The following FLNC variants were observed in gnomAD, a reference collection of about 807,000 sequenced individuals.
FLNC encodes the protein filamin C, also known as filamin-C.
A neutral mutation model predicts 254.3 loss-of-function variants in FLNC; 91 were observed. That is an observed-to-expected ratio of 0.36 (90% CI 0.30 to 0.43). The LOEUF is 0.43. Ranked by LOEUF, FLNC falls within the 20% of genes least tolerant of loss-of-function variation. The pLI is 1.00. For missense variants in FLNC, 2,853 were observed against 3,802.6 expected (o/e 0.75, Z 6.57); for synonymous variants, 1,430 against 1,577.2 (o/e 0.91, Z 2.21).
chr7:128,840,448 G>A, intron 9 of FLNC, 100 bp from the exon 10 acceptor site: 1 of 1,547,174 alleles, frequency 6.5e-7, no homozygotes, highest in East Asian at 2.3e-5. Flanking sequence ...ACTGCCCTCG[G>A]GCTGGGTCGG....
In FLNC at chr7:128,838,693, G is replaced by A. The variant is rs1585154054; in HGVS notation, c.1301G>A (p.Ser434Asn). Residue 434 changes from serine to asparagine, a missense_variant, in exon 8 of 48, where the codon AGC becomes AAC. Physicochemically the swap from Ser to Asn is conservative, Grantham distance 46. This residue lies in a region of FLNC where 1,573 missense variants were observed against 1,883.5 expected (regional missense o/e 0.84). Coordinates refer to ENST00000325888, the MANE Select transcript of FLNC (RefSeq NM_001458.5). Reference sequence around the variant, plus strand: ...GTGGCCCTGGAGGACAAGGGTGACAGCACGTTCCGCTGCACATACAGACCT... The same window carrying A: ...GTGGCCCTGGAGGACAAGGGTGACAACACGTTCCGCTGCACATACAGACCT... ...VEVALEDKGD[S>N]TFRCTYRPAM... 1 of 1,613,052 alleles carries A rather than the reference G, an allele frequency of 6.2e-7. No homozygotes were observed. The highest frequency in any genetic ancestry group is 8.5e-7 in the Non-Finnish European group (1 of 1,180,012).
chr7:128,843,872 CG>C lies in FLNC; in HGVS notation c.2889del (p.Leu964TrpfsTer25). On this transcript the variant is annotated frameshift_variant, in exon 19 of 48. Coordinates refer to ENST00000325888, the MANE Select transcript of FLNC (RefSeq NM_001458.5). LOFTEE classifies it high-confidence loss of function. ...CCCTTTGTGGTGAATGTGGCACCCC[CG>C]CTGGACCTCAGCAAAATCAAAGTTC... ...KSPFVVNVAP[P>X]LDLSKIKVQG... The C allele has an allele frequency of 6.2e-7, 1 of 1,614,078 alleles. No homozygotes were observed. Among genetic ancestry groups the C allele is most frequent in the Non-Finnish European group, 8.5e-7 (1 of 1,180,056 alleles).
chr7:128,850,742 A>T, intron 32 of FLNC, 61 bp from the exon 33 acceptor site: 1 of 1,610,656 alleles, frequency 6.2e-7, no homozygotes, highest in Non-Finnish European at 8.5e-7. Context: ...CAGGCCTGGG[A>T]CAGCAGGGAG....
At chr7:128,838,535 C>T in intron 7 of FLNC, 68 bp from the exon 8 acceptor site, 1 of 1,605,176 alleles carries the variant, frequency 6.2e-7, no homozygotes, top group Non-Finnish European at 8.5e-7. Context: ...GGTGGGCAGC[C>T]TCAGGGTGAG....
chr7:128,844,626 G>T (rs1338016097), intron 20 of FLNC, 32 bp from the exon 21 acceptor site: 1 of 1,590,364 alleles, frequency 6.3e-7, no homozygotes, highest in Non-Finnish European at 8.6e-7. Context: ...GAGGCCAGGT[G>T]CAGGGAACCC....
intron 16 of FLNC, 130 bp from the exon 17 acceptor site, chr7:128,843,099 G>A (rs1808407638): frequency 7.3e-7 from 1 of 1,364,954 alleles, no homozygotes; most frequent in East Asian, 2.5e-5. Flanking sequence ...CTCAGAGGAA[G>A]CAAAGGGGGC....
chr7:128,850,635 G>A, intron 32 of FLNC, 152 bp downstream of exon 32: 2 of 1,246,828 alleles, frequency 1.6e-6, no homozygotes, highest in South Asian at 1.3e-5. Flanking sequence ...CCAGAACTCA[G>A]GTGCAAGCCA....
chr7:128,835,435 G>A lies in FLNC; in HGVS notation c.462G>A (p.Glu154=), dbSNP rs753730559. ...CCATGTGGGAGGATGAAGATGATGA[G>A]GATGCCCGCAAACAGACGCCCAAGC... ...SMPMWEDEDD[E]DARKQTPKQR... is the part of the protein sequence containing the mutation. Residue 154 remains glutamate (E), a synonymous_variant, in exon 2 of 48, where the codon GAG becomes GAA. Transcript: ENST00000325888. This position sits in a 1 kb window ranked among gnomAD's most constrained non-coding sequence, Gnocchi z 5.3. 54 of 1,613,988 alleles carry A rather than the reference G, an allele frequency of 3.3e-5. No homozygotes were observed. Among genetic ancestry groups the A allele is most frequent in the Non-Finnish European group, 4.3e-5 (51 of 1,180,050 alleles).
intron 30 of FLNC, 125 bp downstream of exon 30, chr7:128,849,703 G>C: frequency 7.7e-7 from 1 of 1,293,494 alleles, no homozygotes; most frequent in Non-Finnish European, 1.1e-6. Context: ...CCTGGGGCCA[G>C]AGTGCTCCAG....
At position 128,848,508 on chromosome 7, in the gene FLNC, C is replaced by T. The variant is rs903724388; in HGVS notation, c.4581-53C>T. ...TCTGGCTCAAGATGAGATCACCCCCCACCGCCCCGTCCATGCCACCCAGCC... is the reference window on the plus strand; with the variant it reads ...TCTGGCTCAAGATGAGATCACCCCCTACCGCCCCGTCCATGCCACCCAGCC... On this transcript the variant is annotated intron_variant, in intron 26 of 47. Coordinates refer to ENST00000325888, the MANE Select transcript of FLNC (RefSeq NM_001458.5). 2.5e-6 allele frequency: 4 copies of T among 1,594,680 alleles called. No individual in the cohort carries two copies. In the African/African-American group the frequency reaches 4.0e-5, roughly 16 times the overall value.
At position 128,859,002 on chromosome 7, in the gene FLNC, A is replaced by C; in HGVS notation, c.*479A>C. 5.5e-6 allele frequency: 1 copy of C among 180,374 alleles called. No homozygotes were observed. The highest frequency in any genetic ancestry group is 1.2e-5 in the Non-Finnish European group (1 of 83,798). 11.2% of individuals were successfully genotyped at this position (180,374 alleles called of 1,614,324 possible). Reference sequence around the variant, plus strand: ...TTTAAGGACTTGGAAAGGAAAGCACAATCAGAGAAGAAAACAGCCCCCGAA... The same window carrying C: ...TTTAAGGACTTGGAAAGGAAAGCACCATCAGAGAAGAAAACAGCCCCCGAA... On this transcript the variant is annotated 3_prime_UTR_variant, in exon 48 of 48. Transcript: ENST00000325888.
In FLNC at chr7:128,854,016, G is replaced by A. The variant is rs1295294313; in HGVS notation, c.6527G>A (p.Arg2176His). 7.4e-6 allele frequency: 12 copies of A among 1,613,222 alleles called. No homozygotes were observed. The highest frequency in any genetic ancestry group is 2.7e-5 in the African/African-American group (2 of 75,048). The change falls in exon 40 of 48, where the codon CGC becomes CAC. Residue 2176 changes from arginine (R) to histidine (H), a missense_variant. Physicochemically the swap from Arg to His is conservative, Grantham distance 29 (BLOSUM62 0). Coordinates refer to ENST00000325888, the MANE Select transcript of FLNC (RefSeq NM_001458.5). ...QMVSAQERLT[R>H]TFTRSSHTYT... ...GTGTCTGCCCAGGAGCGCCTGACACGCACCTTCACACGCAGCAGCCACACC... is the reference window on the plus strand; with the variant it reads ...GTGTCTGCCCAGGAGCGCCTGACACACACCTTCACACGCAGCAGCCACACC...
intron 24 of FLNC, 68 bp from the exon 25 acceptor site, chr7:128,847,629 G>T: frequency 1.3e-6 from 2 of 1,595,062 alleles, no homozygotes; most frequent in Middle Eastern, 2.0e-4. Context: ...CTCCTCCTCC[G>T]AGGCTCCTCA....
Position 128,844,245 on chromosome 7 carries a change from C to T in FLNC, c.3171C>T (p.Val1057=), listed in dbSNP as rs751273548. 1.2e-6 allele frequency: 2 copies of T among 1,609,482 alleles called. No homozygotes were observed. The highest frequency in any genetic ancestry group is 1.1e-5 in the South Asian group (1 of 90,690). The change falls in exon 20 of 48, where the codon GTC becomes GTT. Residue 1057 remains valine, a synonymous_variant. Transcript: ENST00000325888. ...GCAGCCCGTTTGCTGTGGAGGGTGT[C>T]CTGCCCCCTGATCCCTCCAAGGTGA... The part of the protein sequence containing the change: ...VPGSPFAVEG[V]LPPDPSKVCA...
At position 128,830,700 on chromosome 7, in the gene FLNC, G is replaced by A. The variant is rs1394210187; in HGVS notation, c.63G>A (p.Met21Ile). 1.2e-6 allele frequency: 2 copies of A among 1,612,814 alleles called. No homozygotes were observed. The highest frequency in any genetic ancestry group is 2.7e-5 in the African/African-American group (2 of 74,948). Residue 21 changes from methionine to isoleucine, a missense_variant, in exon 1 of 48, where the codon ATG becomes ATA. Physicochemically the swap from Met to Ile is conservative, Grantham distance 10. This residue lies in a region of FLNC where 37 missense variants were observed against 32.7 expected (regional missense o/e 1.13). Transcript: ENST00000325888. The part of the protein sequence containing the change: ...GLGLGDETDE[M>I]PSTEKDLAED... ...GCCTGGGCGATGAGACAGACGAGAT[G>A]CCGTCCACGGAGAAGGACCTGGCGG...
In FLNC at chr7:128,848,677, C is replaced by T; in HGVS notation, c.4697C>T (p.Ala1566Val). Residue 1566 changes from alanine (A) to valine (V), a missense_variant, in exon 27 of 48, where the codon GCA (alanine) becomes GTA (valine). Around this residue, in one of 10 missense-constraint regions of FLNC, gnomAD observed 1,573 missense variants for 1,883.5 expected, o/e 0.84. Coordinates refer to ENST00000325888, the MANE Select transcript of FLNC (RefSeq NM_001458.5). ...ASLPVEFTID[A>V]RDAGEGLLTV... The stretch of plus-strand genomic sequence containing the variant: ...CTGCCTGTGGAGTTCACCATCGACG[C>T]ACGGGACGCGGGCGAGGGGTTGCTC... The T allele has an allele frequency of 2.5e-6, 4 of 1,613,466 alleles. No individual in the cohort carries two copies. Among genetic ancestry groups the T allele is most frequent in the Non-Finnish European group, 3.4e-6 (4 of 1,180,004 alleles).
Position 128,842,887 on chromosome 7 carries a change from C to A in FLNC, c.2483C>A (p.Thr828Asn), listed in dbSNP as rs752387883. Residue 828 changes from threonine to asparagine, a missense_variant, in exon 16 of 48, where the codon ACC (threonine) becomes AAC (asparagine). Coordinates refer to ENST00000325888, the MANE Select transcript of FLNC (RefSeq NM_001458.5). The surrounding 1 kb of genome is among the most constrained non-coding windows in gnomAD (Gnocchi z 5.4). ...GACATCATCAAGAATGACAACGACACCTTCACCGTCAAGTACACGCCACCA... is the reference window on the plus strand; with the variant it reads ...GACATCATCAAGAATGACAACGACAACTTCACCGTCAAGTACACGCCACCA... ...DFDIIKNDND[T>N]FTVKYTPPGA... The A allele has an allele frequency of 6.2e-6, 10 of 1,613,966 alleles. No individual in the cohort carries two copies. Among genetic ancestry groups the A allele is most frequent in the South Asian group, 1.1e-5 (1 of 91,086 alleles).
intron 24 of FLNC, 107 bp downstream of exon 24, chr7:128,847,012 G>A: frequency 1.4e-6 from 2 of 1,429,178 alleles, no homozygotes; most frequent in Non-Finnish European, 1.9e-6. Context: ...TGTTCATAGA[G>A]AGGACAGCCT....
At position 128,849,383 on chromosome 7, in the gene FLNC, G is replaced by A. The variant is rs779560529; in HGVS notation, c.5004G>A (p.Val1668=). The change falls in exon 30 of 48, where the codon GTG becomes GTA. Residue 1668 remains valine (V), a synonymous_variant. Coordinates refer to ENST00000325888, the MANE Select transcript of FLNC (RefSeq NM_001458.5). Reference sequence around the variant, plus strand: ...TTGGGCAGGAGACGGTGATCACGGTGGATGCCAAGGCAGCCGGTGAGGGGA... The same window carrying A: ...TTGGGCAGGAGACGGTGATCACGGTAGATGCCAAGGCAGCCGGTGAGGGGA... ...IQIGQETVIT[V]DAKAAGEGKV... is the part of the protein sequence containing the mutation. 1 of 1,614,170 alleles carries A rather than the reference G, an allele frequency of 6.2e-7. No individual in the cohort carries two copies. The highest frequency in any genetic ancestry group is 8.5e-7 in the Non-Finnish European group (1 of 1,180,030).
Sources: allele counts gnomAD v4.1 joint callset, GRCh38; gene constraint gnomAD v4.1.1; regional missense constraint gnomAD v4.1.1; non-coding constraint Gnocchi (gnomAD v3.1); transcripts MANE v1.5; gene names NCBI Gene and HGNC (gene_info 2026-07-23, HGNC 2026-07-21).